ADAMTS8: variants seen among roughly 807,000 people sequenced by gnomAD.
ADAMTS8 encodes ADAM metallopeptidase with thrombospondin type 1 motif 8.
ADAMTS8 carries 50 observed loss-of-function variants against 64.4 expected under a neutral mutation model. The ratio of observed to expected loss-of-function variants is 0.78; its 90% CI spans 0.62 to 0.98. The LOEUF is 0.98. Among genes scored for constraint, ADAMTS8 ranks in the 50% least tolerant of loss-of-function variants. The pLI, the probability that ADAMTS8 is intolerant of heterozygous loss-of-function variation, is 0.00. For synonymous variants in ADAMTS8, 556 were observed against 533.6 expected (o/e 1.04, Z -0.58); for missense variants, 1,192 against 1,208.2 (o/e 0.99, Z 0.20).
At chr11:130,427,451 CTTTTTTTTTT>C (rs36087476) in intron 1 of ADAMTS8, 106 bp downstream of exon 1, 42 of 438,482 alleles carry the variant, frequency 9.6e-5, no homozygotes, top group Non-Finnish European at 1.3e-4. Flanking sequence ...GTGGGGAGGG[CTTTTTTTTTT>C]TTTTTTTTTT....
Position 130,428,225 on chromosome 11 carries a change from A to AGCG in ADAMTS8, c.61_62insCGC (p.Leu20_Leu21insPro), listed in dbSNP as rs577034799. On this transcript the variant is annotated inframe_insertion, in exon 1 of 9. Coordinates refer to ENST00000257359, the MANE Select transcript of ADAMTS8 (RefSeq NM_007037.6). Reference sequence around the variant, plus strand: ...GGCCGGGGCGCCGCGGGCCAGCGGCAGCAGCAGCAGCAGCAGCAGCAGGAG... The same window carrying AGCG: ...GGCCGGGGCGCCGCGGGCCAGCGGCAGCGGCAGCAGCAGCAGCAGCAGCAGGAG... 184 of 211,272 alleles carry AGCG rather than the reference A, an allele frequency of 8.7e-4. No homozygotes were observed. In the Middle Eastern group the frequency reaches 0.011, roughly 13 times the overall value. 13.1% of individuals were successfully genotyped at this position (211,272 alleles called of 1,614,324 possible). A position where few individuals can be genotyped will look rare whatever the true frequency, so the allele number is the denominator to read the frequency against.
Position 130,427,847 on chromosome 11 carries a change from G to T in ADAMTS8, c.440C>A (p.Pro147Gln). The T allele has an allele frequency of 6.5e-7, 1 of 1,540,308 alleles. No homozygotes were observed. The highest frequency in any genetic ancestry group is 8.7e-7 in the Non-Finnish European group (1 of 1,146,998). ...GGGACCCCAGCGCTGCAGGCGGTGCGGCTGAGCCAGGGAGCCCCCCGCGCC... is the reference window on the plus strand; with the variant it reads ...GGGACCCCAGCGCTGCAGGCGGTGCTGCTGAGCCAGGGAGCCCCCCGCGCC... ...PQGAGGSLAQ[P>Q]HRLQRWGPAG... is the part of the protein sequence containing the mutation. Residue 147 changes from proline (P) to glutamine (Q), a missense_variant, in exon 1 of 9, where the codon CCG (proline) becomes CAG (glutamine). Pro to Gln is a moderately conservative substitution (Grantham distance 76, BLOSUM62 -1). Coordinates refer to ENST00000257359, the MANE Select transcript of ADAMTS8 (RefSeq NM_007037.6).
At chr11:130,415,847 T>C (rs1862015350) in intron 4 of ADAMTS8, among the ~76,000 whole-genome samples, 1 of 152,062 alleles carries the variant, frequency 6.6e-6, no homozygotes, top group South Asian at 2.1e-4. Flanking sequence ...GCCTGAGCTG[T>C]TGTAGGTTCG....
rs186687239 is a variant in ADAMTS8 at position 130,427,650 on chromosome 11, G to A, written c.637C>T (p.Arg213Trp). 2 of 1,588,270 alleles carry A rather than the reference G, an allele frequency of 1.3e-6. No homozygotes were observed. Among genetic ancestry groups the A allele is most frequent in the Admixed American group, 1.7e-5 (1 of 57,572 alleles). The part of the protein sequence containing the change: ...PPLGATSRTK[R>W]FVSEARFVET... ...ACGAAGCGCGCCTCAGACACAAACC[G>A]CTTGGTCCTACTCGTGGCCCCCAGG... The change falls in exon 1 of 9, where the codon CGG becomes TGG. Residue 213 changes from arginine (R) to tryptophan (W), a missense_variant. Around this residue, in one of 5 missense-constraint regions of ADAMTS8, gnomAD observed 741 missense variants for 710.6 expected, o/e 1.04. Coordinates refer to ENST00000257359, the MANE Select transcript of ADAMTS8 (RefSeq NM_007037.6).
In ADAMTS8 at chr11:130,406,069, T is replaced by G; in HGVS notation, c.2159A>C (p.Gln720Pro). ...PAGATNIDVK[Q>P]RSHPGVQNDG... ...GTTCTGCACACCCGGGTGGCTCCGC[T>G]GCTTCACGTCAATATTAGTGGCACC... Residue 720 changes from glutamine (Q) to proline (P), a missense_variant, in exon 9 of 9, where the codon CAG (glutamine) becomes CCG (proline). Gln to Pro is a moderately conservative substitution (Grantham distance 76). Around this residue, in one of 5 missense-constraint regions of ADAMTS8, gnomAD observed 290 missense variants for 297.8 expected, o/e 0.97. Transcript: ENST00000257359. The G allele has an allele frequency of 6.2e-7, 1 of 1,613,800 alleles. No individual in the cohort carries two copies. Among genetic ancestry groups the G allele is most frequent in the Non-Finnish European group, 8.5e-7 (1 of 1,180,034 alleles).
Position 130,411,502 on chromosome 11 carries a change from G to C in ADAMTS8, c.1665C>G (p.Asp555Glu), listed in dbSNP as rs750163936. The C allele has an allele frequency of 6.2e-7, 1 of 1,614,154 alleles. No individual in the cohort carries two copies. Among genetic ancestry groups the C allele is most frequent in the Non-Finnish European group, 8.5e-7 (1 of 1,180,028 alleles). Reference protein sequence around the residue: ...GVQFSHRECKDPEPQNGGRYC... With the variant: ...GVQFSHRECKEPEPQNGGRYC... ...ATCTTCCTCCATTCTGAGGCTCGGGGTCCTTGCACTCACGGTGTGAAAACT... is the reference window on the plus strand; with the variant it reads ...ATCTTCCTCCATTCTGAGGCTCGGGCTCCTTGCACTCACGGTGTGAAAACT... The change falls in exon 6 of 9, where the codon GAC (aspartate) becomes GAG (glutamate). Residue 555 changes from aspartate (D) to glutamate (E), a missense_variant. By Grantham distance (45) the Asp-to-Glu change is conservative (BLOSUM62 2). Transcript: ENST00000257359. The surrounding 1 kb of genome is among the most constrained non-coding windows in gnomAD (Gnocchi z 4.2).
intron 5 of ADAMTS8, among the ~76,000 whole-genome samples, chr11:130,413,801 T>C (rs1861982879): frequency 6.6e-6 from 1 of 152,216 alleles, no homozygotes; most frequent in African/African-American, 2.4e-5. Context: ...ACGGGCAGGC[T>C]ATGAATACTT....
At chr11:130,420,617 A>G (rs763027161) in intron 1 of ADAMTS8, among the ~76,000 whole-genome samples, 1 of 152,090 alleles carries the variant, frequency 6.6e-6, no homozygotes, top group Non-Finnish European at 1.5e-5. Context: ...CCATCGGGTG[A>G]GGCCATGTGT....
chr11:130,418,395 C>T (rs1862055595), intron 2 of ADAMTS8, among the ~76,000 whole-genome samples: 1 of 152,068 alleles, frequency 6.6e-6, no homozygotes, highest in South Asian at 2.1e-4. Context: ...ACTTCAAAGG[C>T]TTTTTGTGGG....
intron 6 of ADAMTS8, among the ~76,000 whole-genome samples, 153 bp from the exon 7 acceptor site, chr11:130,409,093 C>T (rs1861922051): frequency 6.6e-6 from 1 of 152,182 alleles, no homozygotes; most frequent in Non-Finnish European, 1.5e-5. Context: ...GCACAACATT[C>T]CTAGACGCAT....
chr11:130,422,930 C>A (rs377530518), intron 1 of ADAMTS8, among the ~76,000 whole-genome samples: 1 of 152,196 alleles, frequency 6.6e-6, no homozygotes, highest in Admixed American at 6.5e-5. Context: ...GTCGTCTGGA[C>A]CAGGCACCAG....
chr11:130,428,499 C>G lies in ADAMTS8; in HGVS notation c.-213G>C, dbSNP rs1379826085. The G allele has an allele frequency of 1.0e-6, 1 of 963,374 alleles. No individual in the cohort carries two copies. Among genetic ancestry groups the G allele is most frequent in the East Asian group, 1.1e-4 (1 of 8,800 alleles). The allele number at this position is 963,374 out of a possible 1,614,324, so 59.7% of individuals were successfully genotyped here. On this transcript the variant is annotated 5_prime_UTR_variant, in exon 1 of 9. Transcript: ENST00000257359. ...GCCCGCTCCTCCCGCGCCGCCGCCCCCGAGCCGAGCGCGAGCAGCTGGCCC... is the reference window on the plus strand; with the variant it reads ...GCCCGCTCCTCCCGCGCCGCCGCCCGCGAGCCGAGCGCGAGCAGCTGGCCC...
rs1359439072 is a variant in ADAMTS8, at chr11:130,427,887, T to C, written c.400A>G (p.Thr134Ala). ...CCCCCCGCGCCCTGCGGCTGGATGG[T>C]GAACTCCTCGCCGTCCAGCAGGAAG... Reference protein sequence around the residue: ...GSFLLDGEEFTIQPQGAGGSL... With the variant: ...GSFLLDGEEFAIQPQGAGGSL... The change falls in exon 1 of 9, where the codon ACC becomes GCC. Residue 134 changes from threonine (T) to alanine (A), a missense_variant. Transcript: ENST00000257359. 5 of 1,534,520 alleles carry C rather than the reference T, an allele frequency of 3.3e-6. No homozygotes were observed. Among genetic ancestry groups the C allele is most frequent in the Non-Finnish European group, 4.4e-6 (5 of 1,146,128 alleles).
At chr11:130,427,258 TCAGTGCGC>T (rs1862178573) in intron 1 of ADAMTS8, among the ~76,000 whole-genome samples, 5 of 152,042 alleles carry the variant, frequency 3.3e-5, no homozygotes, top group African/African-American at 1.2e-4. Flanking sequence ...CACTTTCGGG[TCAGTGCGC>T]CACGTGCCGC....
intron 6 of ADAMTS8, among the ~76,000 whole-genome samples, chr11:130,410,320 A>G (rs1861936992): frequency 6.6e-6 from 1 of 152,172 alleles, no homozygotes; most frequent in Non-Finnish European, 1.5e-5. Flanking sequence ...ATACATTTTT[A>G]TAGTTCTAGA....
chr11:130,418,967 A>G lies in ADAMTS8; in HGVS notation c.960+86T>C, dbSNP rs887066433. ...TGGGGCCAGCAGGGAGACGTTTCCC[A>G]TGTTTGGGCAGGCCTCGTGGTCCTC... On this transcript the variant is annotated intron_variant, in intron 2 of 8. Coordinates refer to ENST00000257359, the MANE Select transcript of ADAMTS8 (RefSeq NM_007037.6). The G allele has an allele frequency of 3.8e-6, 6 of 1,582,086 alleles. No homozygotes were observed. The African/African-American group carries it at 4.0e-5, about 11-fold the overall frequency.
At chr11:130,424,777 G>C (rs886879123) in intron 1 of ADAMTS8, among the ~76,000 whole-genome samples, 3 of 152,116 alleles carry the variant, frequency 2.0e-5, no homozygotes, top group Admixed American at 2.0e-4. Context: ...CATCTCCAAG[G>C]CTGGTCAGCT....
intron 8 of ADAMTS8, among the ~76,000 whole-genome samples, chr11:130,407,628 A>G (rs140741226): frequency 2.4e-3 from 358 of 152,270 alleles, no homozygotes; most frequent in African/African-American, 8.3e-3. Flanking sequence ...CCTAGGACAC[A>G]TTGATGTACT....
At chr11:130,422,955 A>ATATTT (rs1384307076) in intron 1 of ADAMTS8, among the ~76,000 whole-genome samples, 1 of 152,260 alleles carries the variant, frequency 6.6e-6, no homozygotes, top group Non-Finnish European at 1.5e-5. Flanking sequence ...GGTGCATTCC[A>ATATTT]TATTTTCTTA....
Sources: gnomAD v4.1 joint callset for allele counts (sites outside exome capture counted in the v4.1 genomes callset) on GRCh38, gnomAD v4.1.1 for gene constraint, gnomAD v4.1.1 regional missense constraint, Gnocchi (gnomAD v3.1) non-coding constraint, MANE v1.5 for transcripts, NCBI Gene and HGNC (gene_info 2026-07-23, HGNC 2026-07-21) for gene names.